The following TSPAN18 variants were observed in gnomAD, a reference collection of about 807,000 sequenced individuals.
TSPAN18 encodes the protein tetraspanin-18.
TSPAN18 carries 14 observed loss-of-function variants against 27.3 expected under a neutral mutation model. That is an observed-to-expected ratio of 0.51 (90% CI 0.34 to 0.80). The LOEUF is 0.80. Among genes scored for constraint, TSPAN18 ranks in the 30% least tolerant of loss-of-function variants. TSPAN18 has a pLI of 0.01. For synonymous variants in TSPAN18, 143 were observed against 136.5 expected, an observed-to-expected ratio of 1.05 and a Z score of -0.33; for missense variants, 268 against 323.9, an observed-to-expected ratio of 0.83 and a Z score of 1.32.
chr11:44,909,421 T>C (rs1006727715), intron 4 of TSPAN18: 7 of 387,220 alleles, frequency 1.8e-5, no homozygotes, highest in Non-Finnish European at 3.2e-5. Context: ...GAAGATAAAA[T>C]TGGCAAATAG....
chr11:44,884,407 G>C (rs1264693661), intron 3 of TSPAN18, among the ~76,000 whole-genome samples: 1 of 152,194 alleles, frequency 6.6e-6, no homozygotes, highest in Non-Finnish European at 1.5e-5. Context: ...GTACAGGGGT[G>C]GGGGTAGAGG....
chr11:44,888,756 A>G (rs1424540454), intron 3 of TSPAN18, among the ~76,000 whole-genome samples: 3 of 152,166 alleles, frequency 2.0e-5, no homozygotes, highest in African/African-American at 2.4e-5. Flanking sequence ...CCTCTAAGTT[A>G]CTTTCTGGCT....
At chr11:44,775,645 CT>C (rs1855789575) in intron 2 of TSPAN18, among the ~76,000 whole-genome samples, 1 of 152,122 alleles carries the variant, frequency 6.6e-6, no homozygotes, top group African/African-American at 2.4e-5. Flanking sequence ...TCTGGGGCTG[CT>C]TTCTCCAGCG....
At chr11:44,767,576 A>C (rs1367732156) in intron 2 of TSPAN18, among the ~76,000 whole-genome samples, 1 of 152,242 alleles carries the variant, frequency 6.6e-6, no homozygotes, top group East Asian at 1.9e-4. Context: ...GGCCTGAGGC[A>C]GGCTGAGTGA....
chr11:44,893,739 G>A (rs1033433715), intron 3 of TSPAN18, among the ~76,000 whole-genome samples: 3 of 152,188 alleles, frequency 2.0e-5, no homozygotes, highest in Non-Finnish European at 2.9e-5. Context: ...CGTCTACTTT[G>A]TAGAGCTTTT....
At position 44,931,097 on chromosome 11, in the gene TSPAN18, C is replaced by T; in HGVS notation, c.*1919C>T. 2.6e-6 allele frequency: 1 copy of T among 387,238 alleles called. No individual in the cohort carries two copies. Among genetic ancestry groups the T allele is most frequent in the South Asian group, 1.9e-5 (1 of 53,094 alleles). 24.0% of individuals were successfully genotyped at this position (387,238 alleles called of 1,614,324 possible). On this transcript the variant is annotated 3_prime_UTR_variant, in exon 10 of 10. Coordinates refer to ENST00000520358, the MANE Select transcript of TSPAN18 (RefSeq NM_130783.5). Reference sequence around the variant, plus strand: ...CTGTGCCCGCCAGTCCTTGCCCTCCCACCAGGTCTCTGAGCTCAGTGTTAC... The same window carrying T: ...CTGTGCCCGCCAGTCCTTGCCCTCCTACCAGGTCTCTGAGCTCAGTGTTAC...
chr11:44,739,595 G>T (rs925567955), intron 1 of TSPAN18, among the ~76,000 whole-genome samples: 1 of 152,250 alleles, frequency 6.6e-6, no homozygotes, highest in Non-Finnish European at 1.5e-5. Context: ...ATGCATTCCA[G>T]CCTGGGCCAC....
chr11:44,903,835 C>T, intron 3 of TSPAN18: 1 of 456,716 alleles, frequency 2.2e-6, no homozygotes, highest in Non-Finnish European at 4.4e-6. Flanking sequence ...CTTCACCACT[C>T]ACTAGCTGTG....
intron 3 of TSPAN18, among the ~76,000 whole-genome samples, chr11:44,865,712 C>G (rs1858018430): frequency 6.6e-6 from 1 of 152,144 alleles, no homozygotes; most frequent in Admixed American, 6.5e-5. Context: ...CAGGGGACAG[C>G]TATGCAGTCA....
rs774474673 is a variant in TSPAN18, at chr11:44,873,983, C to T, written c.-11+13514C>T. Among the ~76,000 whole-genome samples the T allele has an allele frequency of 4.4e-4, 67 of 152,314 alleles. 1 individual carries two copies. The Middle Eastern group carries it at 0.01, about 23-fold the overall frequency. ...CCTCTCCAGGCCAGCTGGGTGGCTT[C>T]ACCTGTCCCCACCTTGGACCCAGCA... On this transcript the variant is annotated intron_variant, in intron 3 of 9. Transcript: ENST00000520358.
At chr11:44,730,373 C>T (rs1854622403) in intron 1 of TSPAN18, among the ~76,000 whole-genome samples, 1 of 152,084 alleles carries the variant, frequency 6.6e-6, no homozygotes, top group Non-Finnish European at 1.5e-5. Flanking sequence ...CTTTTCTGGT[C>T]TATTTCATCA....
intron 1 of TSPAN18, among the ~76,000 whole-genome samples, chr11:44,737,738 G>A (rs769017836): frequency 3.3e-5 from 5 of 151,988 alleles, no homozygotes; most frequent in Non-Finnish European, 5.9e-5. Flanking sequence ...CCCTCCCCAC[G>A]CAAGCCTCAC....
At chr11:44,909,995 C>T (rs1859648774) in intron 5 of TSPAN18, 96 bp downstream of exon 5, 3 of 1,411,576 alleles carry the variant, frequency 2.1e-6, no homozygotes, top group African/African-American at 1.4e-5. Context: ...CCATTCAGAC[C>T]AGTGCTTCCC....
At chr11:44,913,934 G>A (rs940785135) in intron 5 of TSPAN18, among the ~76,000 whole-genome samples, 1 of 152,258 alleles carries the variant, frequency 6.6e-6, no homozygotes, top group African/African-American at 2.4e-5. Flanking sequence ...TTAAGCAGGA[G>A]GACATTTTCA....
intron 2 of TSPAN18, among the ~76,000 whole-genome samples, chr11:44,803,174 C>A (rs1211178239): frequency 6.6e-6 from 1 of 152,140 alleles, no homozygotes; most frequent in Non-Finnish European, 1.5e-5. Flanking sequence ...GTAAACAGGG[C>A]AGGAGCAAAA....
chr11:44,914,523 TAGA>T (rs1859834712), intron 5 of TSPAN18, among the ~76,000 whole-genome samples: 1 of 152,196 alleles, frequency 6.6e-6, no homozygotes, highest in Non-Finnish European at 1.5e-5. Context: ...AATGGGAAAC[TAGA>T]AGAATTGGTG....
chr11:44,773,156 C>A (rs1351463240), intron 2 of TSPAN18, among the ~76,000 whole-genome samples: 1 of 152,080 alleles, frequency 6.6e-6, no homozygotes, highest in Non-Finnish European at 1.5e-5. Context: ...GTGGCTCATG[C>A]CTATAATCCC....
At chr11:44,801,332 T>C (rs1856474769) in intron 2 of TSPAN18, among the ~76,000 whole-genome samples, 1 of 152,232 alleles carries the variant, frequency 6.6e-6, no homozygotes, top group African/African-American at 2.4e-5. Flanking sequence ...CCTGCTTTGC[T>C]TCCTCCATAG....
chr11:44,853,914 G>C (rs918919231), intron 2 of TSPAN18, among the ~76,000 whole-genome samples: 1 of 152,126 alleles, frequency 6.6e-6, no homozygotes, highest in African/African-American at 2.4e-5. Flanking sequence ...GGGGAGGGAG[G>C]AAAGGAAGGA....
Sources: allele counts gnomAD v4.1 joint callset (sites outside exome capture counted in the v4.1 genomes callset), GRCh38; gene constraint gnomAD v4.1.1; transcripts MANE v1.5; gene names NCBI Gene and HGNC (gene_info 2026-07-23, HGNC 2026-07-21).